The following ALG11 variants were observed in gnomAD, a reference collection of about 807,000 sequenced individuals.
ALG11 encodes the protein GDP-Man:Man(3)GlcNAc(2)-PP-Dol alpha-1,2-mannosyltransferase.
In ALG11, 26 loss-of-function variants were observed where a neutral mutation model predicts 38.8. The ratio of observed to expected loss-of-function variants is 0.67; its 90% CI spans 0.49 to 0.93. The LOEUF is 0.93. Ranked by LOEUF, ALG11 falls within the 40% of genes least tolerant of loss-of-function variation. The pLI, the probability that ALG11 is intolerant of heterozygous loss-of-function variation, is 0.00. For missense variants in ALG11, 535 were observed against 578.8 expected, an observed-to-expected ratio of 0.92 and a Z score of 0.78; for synonymous variants, 199 against 211.6, an observed-to-expected ratio of 0.94 and a Z score of 0.52.
Position 52,031,463 on chromosome 13 carries a change from G to T in ALG11, c.*2873G>T, listed in dbSNP as rs1055791231. 4.6e-6 allele frequency: 1 copy of T among 218,666 alleles called. No individual in the cohort carries two copies. Among genetic ancestry groups the T allele is most frequent in the Admixed American group, 5.2e-5 (1 of 19,290 alleles). The allele number at this position is 218,666 out of a possible 1,614,324, so 13.5% of individuals were successfully genotyped here. On this transcript the variant is annotated 3_prime_UTR_variant, in exon 4 of 4. Coordinates refer to ENST00000521508, the MANE Select transcript of ALG11 (RefSeq NM_001004127.3). ...CTGATGCTTTATAGGTGTGTGTAGG[G>T]TGGTAGAGGCCAAGGTGCTGCCAGC...
chr13:52,029,152 G>A lies in ALG11; in HGVS notation c.*562G>A. On this transcript the variant is annotated 3_prime_UTR_variant, in exon 4 of 4. Coordinates refer to ENST00000521508, the MANE Select transcript of ALG11 (RefSeq NM_001004127.3). Reference sequence around the variant, plus strand: ...GAGTCAAATCAAAGAAGGTGGTGGAGTTACCTCTTAACAAAGAAAAAATTG... The same window carrying A: ...GAGTCAAATCAAAGAAGGTGGTGGAATTACCTCTTAACAAAGAAAAAATTG... The A allele has an allele frequency of 1.2e-6, 2 of 1,614,204 alleles. No individual in the cohort carries two copies. Among genetic ancestry groups the A allele is most frequent in the South Asian group, 2.2e-5 (2 of 91,084 alleles).
rs372412800 is a variant in ALG11 at position 52,030,432 on chromosome 13, G to A, written c.*1842G>A. On this transcript the variant is annotated 3_prime_UTR_variant, in exon 4 of 4. Transcript: ENST00000521508. Reference sequence around the variant, plus strand: ...CAGTCAGAGAGGACCCCAAATAATCGGCCTGATGCCCCTAAGGAGAAGAAA... The same window carrying A: ...CAGTCAGAGAGGACCCCAAATAATCAGCCTGATGCCCCTAAGGAGAAGAAA... The A allele has an allele frequency of 5.8e-5, 93 of 1,614,044 alleles. No homozygotes were observed. In the East Asian group the frequency reaches 7.1e-4, roughly 12 times the overall value.
Position 52,012,453 on chromosome 13 carries a change from AGTT to A in ALG11, c.40_42del (p.Leu14del). ...GGCGAAAGGAGCTGGTGCCTGTGCA[AGTT>A]GTTGAGGTGAGCAGCCGGTCGTGTG... On this transcript the variant is annotated inframe_deletion, in exon 1 of 4. Transcript: ENST00000521508. 1.2e-6 allele frequency: 2 copies of A among 1,614,074 alleles called. No homozygotes were observed. Among genetic ancestry groups the A allele is most frequent in the Non-Finnish European group, 1.7e-6 (2 of 1,180,028 alleles).
At position 52,029,718 on chromosome 13, in the gene ALG11, C is replaced by G. The variant is rs775074695; in HGVS notation, c.*1128C>G. 1 of 1,614,010 alleles carries G rather than the reference C, an allele frequency of 6.2e-7. No homozygotes were observed. Among genetic ancestry groups the G allele is most frequent in the Non-Finnish European group, 8.5e-7 (1 of 1,180,032 alleles). Reference sequence around the variant, plus strand: ...AAGCACCAAAACAGTGGGAAATGGGCCAAGTCAAAGGCAATTATGGCCAAA... The same window carrying G: ...AAGCACCAAAACAGTGGGAAATGGGGCAAGTCAAAGGCAATTATGGCCAAA... On this transcript the variant is annotated 3_prime_UTR_variant, in exon 4 of 4. Transcript: ENST00000521508.
In ALG11 at chr13:52,030,963, T is replaced by G; in HGVS notation, c.*2373T>G. 1 of 1,614,082 alleles carries G rather than the reference T, an allele frequency of 6.2e-7. No individual in the cohort carries two copies. The highest frequency in any genetic ancestry group is 8.5e-7 in the Non-Finnish European group (1 of 1,180,026). Reference sequence around the variant, plus strand: ...TTCCAAAAGCTGACTACTCCCAAGGTCGTCACCAAGCCAGGCCATATCATT... The same window carrying G: ...TTCCAAAAGCTGACTACTCCCAAGGGCGTCACCAAGCCAGGCCATATCATT... On this transcript the variant is annotated 3_prime_UTR_variant, in exon 4 of 4. Coordinates refer to ENST00000521508, the MANE Select transcript of ALG11 (RefSeq NM_001004127.3).
At position 52,027,995 on chromosome 13, in the gene ALG11, C is replaced by T. The variant is rs532343420; in HGVS notation, c.1208-324C>T. 3.2e-4 allele frequency among the ~76,000 whole-genome samples: 48 copies of T among 151,916 alleles called. No individual in the cohort carries two copies. In the South Asian group the frequency reaches 8.7e-3, roughly 28 times the overall value. On this transcript the variant is annotated intron_variant, in intron 3 of 3. Coordinates refer to ENST00000521508, the MANE Select transcript of ALG11 (RefSeq NM_001004127.3). ...GCAGCAGGCTGGGTGTGGTAGCTCA[C>T]GCTGGTAAATCCCAGCACTTTGGGA...
At chr13:52,021,863 G>C (rs1247490264) in intron 2 of ALG11, 5 of 152,206 alleles carry the variant, frequency 3.3e-5, no homozygotes, top group Admixed American at 3.3e-4. Context: ...TCTCGGGCTG[G>C]TTGGACTCCG....
chr13:52,014,583 G>A (rs917909797), intron 1 of ALG11, among the ~76,000 whole-genome samples: 2 of 151,402 alleles, frequency 1.3e-5, no homozygotes, highest in Admixed American at 1.3e-4. Flanking sequence ...TGCCCAGGCT[G>A]GAGTGCAGTG....
chr13:52,026,330 A>G (rs1954240335), intron 3 of ALG11, among the ~76,000 whole-genome samples: 1 of 152,200 alleles, frequency 6.6e-6, no homozygotes, highest in African/African-American at 2.4e-5. Flanking sequence ...GCAGGAAGAC[A>G]ACAGAGAGGT....
intron 1 of ALG11, among the ~76,000 whole-genome samples, chr13:52,013,475 T>C (rs1366609401): frequency 6.6e-6 from 1 of 152,250 alleles, no homozygotes; most frequent in Non-Finnish European, 1.5e-5. Flanking sequence ...CATTATAATG[T>C]TTAAATAAAC....
At chr13:52,027,788 C>G (rs1954255713) in intron 3 of ALG11, among the ~76,000 whole-genome samples, 1 of 152,176 alleles carries the variant, frequency 6.6e-6, no homozygotes, top group East Asian at 1.9e-4. Flanking sequence ...ATTTTTTCTG[C>G]TAATGTAATT....
At chr13:52,019,164 GCTAATT>G (rs772768612) in intron 2 of ALG11, 21 bp downstream of exon 2, 1 of 1,529,084 alleles carries the variant, frequency 6.5e-7, no homozygotes, top group South Asian at 1.1e-5. Flanking sequence ...ATCTTTCTTA[GCTAATT>G]TGCTATATTG....
Position 52,031,132 on chromosome 13 carries a change from A to C in ALG11, c.*2542A>C. Reference sequence around the variant, plus strand: ...TTGTGTAGCTGGAGAAGTGACAGTCAGGGGCCCTGATTCCACTTCCTTTGG... The same window carrying C: ...TTGTGTAGCTGGAGAAGTGACAGTCCGGGGCCCTGATTCCACTTCCTTTGG... On this transcript the variant is annotated 3_prime_UTR_variant, in exon 4 of 4. Coordinates refer to ENST00000521508, the MANE Select transcript of ALG11 (RefSeq NM_001004127.3). 1.3e-6 allele frequency: 2 copies of C among 1,579,300 alleles called. No homozygotes were observed. The highest frequency in any genetic ancestry group is 1.7e-6 in the Non-Finnish European group (2 of 1,162,730).
Position 52,019,036 on chromosome 13 carries a change from C to T in ALG11, c.168C>T (p.Ser56=). The T allele has an allele frequency of 3.1e-6, 5 of 1,613,744 alleles. No individual in the cohort carries two copies. Among genetic ancestry groups the T allele is most frequent in the Non-Finnish European group, 4.2e-6 (5 of 1,179,940 alleles). The part of the protein sequence containing the change: ...LQRKKKLVST[S]KNGKNQMVIA... Reference sequence around the variant, plus strand: ...GAAAGAAAAAATTAGTGTCAACTAGCAAAAATGGGAAAAATCAAATGGTGA... The same window carrying T: ...GAAAGAAAAAATTAGTGTCAACTAGTAAAAATGGGAAAAATCAAATGGTGA... Residue 56 remains serine (S), a synonymous_variant, in exon 2 of 4, where the codon AGC becomes AGT. Transcript: ENST00000521508.
In ALG11 at chr13:52,032,519, T is replaced by A. The variant is rs1250693372; in HGVS notation, c.*3929T>A. The A allele has an allele frequency of 3.6e-5, 6 of 167,104 alleles. No homozygotes were observed. The highest frequency in any genetic ancestry group is 1.4e-4 in the African/African-American group (6 of 41,470). 10.4% of individuals were successfully genotyped at this position (167,104 alleles called of 1,614,324 possible). ...GAATTGACCCCATCCACAGGCTGAT[T>A]CATCTTTGTGTTAAGGGGCAAATGA... On this transcript the variant is annotated 3_prime_UTR_variant, in exon 4 of 4. Transcript: ENST00000521508.
rs1397476211 is a variant in ALG11 at position 52,033,071 on chromosome 13, T to C, written c.*4481T>C. On this transcript the variant is annotated 3_prime_UTR_variant, in exon 4 of 4. Coordinates refer to ENST00000521508, the MANE Select transcript of ALG11 (RefSeq NM_001004127.3). ...TTATTTCTTCAAAATTATTTTCATA[T>C]ATCACAGATATATCATTGGAAGATA... is the stretch of plus-strand genomic sequence containing the variant. The C allele has an allele frequency of 1.2e-5, 2 of 167,138 alleles. No homozygotes were observed. Among genetic ancestry groups the C allele is most frequent in the African/African-American group, 4.8e-5 (2 of 41,460 alleles). The allele number at this position is 167,138 out of a possible 1,614,324, so 10.4% of individuals were successfully genotyped here.
At position 52,031,254 on chromosome 13, in the gene ALG11, T is replaced by C. The variant is rs1356234649; in HGVS notation, c.*2664T>C. The C allele has an allele frequency of 1.7e-6, 2 of 1,164,888 alleles. No individual in the cohort carries two copies. The highest frequency in any genetic ancestry group is 1.8e-5 in the South Asian group (1 of 56,406). The allele number at this position is 1,164,888 out of a possible 1,614,324, so 72.2% of individuals were successfully genotyped here. On this transcript the variant is annotated 3_prime_UTR_variant, in exon 4 of 4. Coordinates refer to ENST00000521508, the MANE Select transcript of ALG11 (RefSeq NM_001004127.3). ...TTTAAAAAAAGAAAATGGATGACCA[T>C]TAATTGACTAGCATTTTAGAATTGA... is the stretch of plus-strand genomic sequence containing the variant.
intron 3 of ALG11, among the ~76,000 whole-genome samples, chr13:52,027,144 A>G (rs1391922777): frequency 6.6e-6 from 1 of 152,204 alleles, no homozygotes; most frequent in African/African-American, 2.4e-5. Context: ...GAGAAGTAGA[A>G]GCAAAAGTCA....
In ALG11 at chr13:52,032,969, C is replaced by G. The variant is rs889559642; in HGVS notation, c.*4379C>G. 6.0e-6 allele frequency: 1 copy of G among 167,006 alleles called. No individual in the cohort carries two copies. Among genetic ancestry groups the G allele is most frequent in the African/African-American group, 2.4e-5 (1 of 41,432 alleles). 10.3% of individuals were successfully genotyped at this position (167,006 alleles called of 1,614,324 possible). A position where few individuals can be genotyped will look rare whatever the true frequency, so the allele number is the denominator to read the frequency against. ...TTGAAGTAAGATTCAAACTGTTATC[C>G]ACTCAATTGCCTTATTCCTGAGGAT... On this transcript the variant is annotated 3_prime_UTR_variant, in exon 4 of 4. Coordinates refer to ENST00000521508, the MANE Select transcript of ALG11 (RefSeq NM_001004127.3).
Sources: allele counts gnomAD v4.1 joint callset (sites outside exome capture counted in the v4.1 genomes callset), GRCh38; gene constraint gnomAD v4.1.1; transcripts MANE v1.5; gene names NCBI Gene and HGNC (gene_info 2026-07-23, HGNC 2026-07-21).